The following PTPRN2 variants were observed in gnomAD, a reference collection of about 807,000 sequenced individuals.
The protein encoded by PTPRN2 is protein tyrosine phosphatase receptor type N2.
A neutral mutation model predicts 118.8 loss-of-function variants in PTPRN2; 74 were observed. That is an observed-to-expected ratio of 0.62 (90% CI 0.52 to 0.76). The LOEUF is 0.76. Among genes scored for constraint, PTPRN2 ranks in the 30% least tolerant of loss-of-function variants. The pLI, the probability that PTPRN2 is intolerant of heterozygous loss-of-function variation, is 0.00. For synonymous variants in PTPRN2, 641 were observed against 608.0 expected (o/e 1.05, Z -0.80); for missense variants, 1,481 against 1,394.4 (o/e 1.06, Z -0.99).
chr7:158,238,331 G>A (rs1316882826), intron 3 of PTPRN2, among the ~76,000 whole-genome samples: 1 of 152,002 alleles, frequency 6.6e-6, no homozygotes, highest in African/African-American at 2.4e-5. Flanking sequence ...CCTGGGCCAA[G>A]CAGGTCCTGC....
chr7:158,184,414 A>G (rs1824967743), intron 5 of PTPRN2, among the ~76,000 whole-genome samples: 1 of 152,246 alleles, frequency 6.6e-6, no homozygotes, highest in Admixed American at 6.5e-5. Flanking sequence ...GTATACAGAA[A>G]TAAATTAATT....
At chr7:158,408,873 C>A (rs1181817397) in intron 2 of PTPRN2, among the ~76,000 whole-genome samples, 1 of 152,076 alleles carries the variant, frequency 6.6e-6, no homozygotes, top group Non-Finnish European at 1.5e-5. Context: ...CGACTCACCC[C>A]AGTCATATTA....
chr7:158,440,809 G>A (rs1816962614), intron 2 of PTPRN2, among the ~76,000 whole-genome samples: 1 of 93,466 alleles, frequency 1.1e-5, no homozygotes, highest in Admixed American at 8.9e-5. Context: ...AGTGGTGATG[G>A]TGGTAGTAGT....
intron 6 of PTPRN2, among the ~76,000 whole-genome samples, chr7:158,166,026 G>A (rs1250288755): frequency 1.3e-5 from 2 of 152,102 alleles, no homozygotes; most frequent in Non-Finnish European, 2.9e-5. Flanking sequence ...AGGGAGAGGT[G>A]AGTTCAGCGA....
At chr7:157,972,548 A>C (rs1257143269) in intron 11 of PTPRN2, among the ~76,000 whole-genome samples, 264 of 69,620 alleles carry the variant, frequency 3.8e-3, no homozygotes, top group South Asian at 8.5e-3. Context: ...AGACCACGGG[A>C]ACTCCACACC....
chr7:158,284,820 T>C (rs1231592396), intron 3 of PTPRN2, among the ~76,000 whole-genome samples: 2 of 152,200 alleles, frequency 1.3e-5, no homozygotes, highest in Non-Finnish European at 2.9e-5. Context: ...CTACTACATA[T>C]GTGTATCTAC....
intron 13 of PTPRN2, among the ~76,000 whole-genome samples, chr7:157,662,404 G>A (rs185763383): frequency 7.2e-5 from 11 of 152,202 alleles, no homozygotes; most frequent in African/African-American, 2.4e-4. Context: ...GGTCAGACTC[G>A]CCGGGCCCTG....
chr7:157,691,489 C>G lies in PTPRN2; in HGVS notation c.1789-8552G>C, dbSNP rs568637714. Among the ~76,000 whole-genome samples the G allele has an allele frequency of 2.6e-5, 4 of 152,332 alleles. No homozygotes were observed. In the South Asian group the frequency reaches 8.3e-4, roughly 32 times the overall value. ...ATTCAGGGCGAGTAGACGAGAGCCCCTCTGCTCACTTTACCAGGGTCCTCC... is the reference window on the plus strand; with the variant it reads ...ATTCAGGGCGAGTAGACGAGAGCCCGTCTGCTCACTTTACCAGGGTCCTCC... On this transcript the variant is annotated intron_variant, in intron 12 of 22. Transcript: ENST00000389418.
In PTPRN2 at chr7:157,603,465, G is replaced by A. The variant is rs557002712; in HGVS notation, c.2418+537C>T. On this transcript the variant is annotated intron_variant, in intron 16 of 22. Coordinates refer to ENST00000389418, the MANE Select transcript of PTPRN2 (RefSeq NM_002847.5). This position sits in a 1 kb window ranked among gnomAD's most constrained non-coding sequence, Gnocchi z 5.4. ...CGTCCCCAGAAACACAGGACAGCCC[G>A]ATCTCCACTGCACCTGCGTCTATCC... Among the ~76,000 whole-genome samples, 4 of 152,194 alleles carry A rather than the reference G, an allele frequency of 2.6e-5. No homozygotes were observed. The highest frequency in any genetic ancestry group is 2.1e-4 in the South Asian group (1 of 4,832).
chr7:157,848,297 CG>C (rs1164122374), intron 12 of PTPRN2, among the ~76,000 whole-genome samples: 1 of 149,828 alleles, frequency 6.7e-6, no homozygotes, highest in Non-Finnish European at 1.5e-5. Flanking sequence ...CTCATTACAT[CG>C]TGTGTGCCTG....
rs540356604 is a variant in PTPRN2 at position 157,611,025 on chromosome 7, A to G, written c.2345-6950T>C. On this transcript the variant is annotated intron_variant, in intron 15 of 22. Coordinates refer to ENST00000389418, the MANE Select transcript of PTPRN2 (RefSeq NM_002847.5). This position sits in a 1 kb window ranked among gnomAD's most constrained non-coding sequence, Gnocchi z 5.9. ...ACATCCAGAGATGGTCATGAAAATG[A>G]GACCTGCCCCACCCACCACTCAGGA... Among the ~76,000 whole-genome samples the G allele has an allele frequency of 1.3e-5, 2 of 152,314 alleles. No individual in the cohort carries two copies. Among genetic ancestry groups the G allele is most frequent in the East Asian group, 3.9e-4 (2 of 5,178 alleles).
intron 2 of PTPRN2, among the ~76,000 whole-genome samples, chr7:158,365,323 G>T (rs770425186): frequency 6.6e-6 from 1 of 152,114 alleles, no homozygotes; most frequent in African/African-American, 2.4e-5. Flanking sequence ...TTCTGACAAC[G>T]GCAATTTTTG....
chr7:158,479,926 G>A (rs987164012), intron 2 of PTPRN2, among the ~76,000 whole-genome samples: 14 of 152,260 alleles, frequency 9.2e-5, no homozygotes, highest in African/African-American at 2.7e-4. Flanking sequence ...TGCTGTTTGG[G>A]TAATGACAGC....
At chr7:158,350,754 G>GCCTCA (rs1459142937) in intron 2 of PTPRN2, among the ~76,000 whole-genome samples, 1 of 152,144 alleles carries the variant, frequency 6.6e-6, no homozygotes, top group Non-Finnish European at 1.5e-5. Flanking sequence ...CCAGTGCCTC[G>GCCTCA]CCTCACCTCA....
intron 12 of PTPRN2, among the ~76,000 whole-genome samples, chr7:157,732,163 T>C (rs372097539): frequency 1.4e-3 from 62 of 43,426 alleles, no homozygotes; most frequent in East Asian, 0.011. Context: ...CCCTTTCCCG[T>C]CCCATGCGCC....
At position 157,650,862 on chromosome 7, in the gene PTPRN2, CT is replaced by C. The variant is rs146404591; in HGVS notation, c.2196+5494del. On this transcript the variant is annotated intron_variant, in intron 14 of 22. Transcript: ENST00000389418. ...GCCCTCCTGGTTCGGTGACTTATCGCTAAGAACTAAGAAGCCTGGAGCCTGA... is the reference window on the plus strand; with the variant it reads ...GCCCTCCTGGTTCGGTGACTTATCGCAAGAACTAAGAAGCCTGGAGCCTGA... Among the ~76,000 whole-genome samples, 7 of 152,328 alleles carry C rather than the reference CT, an allele frequency of 4.6e-5. No homozygotes were observed. In the East Asian group the frequency reaches 1.4e-3, roughly 29 times the overall value.
intron 11 of PTPRN2, among the ~76,000 whole-genome samples, chr7:158,012,293 A>G (rs975879745): frequency 5.3e-5 from 8 of 151,652 alleles, no homozygotes; most frequent in African/African-American, 1.2e-4. Context: ...GGGCTGATAC[A>G]TAGATGACAC....
intron 2 of PTPRN2, among the ~76,000 whole-genome samples, chr7:158,363,999 G>A (rs1586466848): frequency 6.6e-6 from 1 of 152,180 alleles, no homozygotes. Context: ...ATCGCCTCCT[G>A]CCGGACGCTG....
intron 2 of PTPRN2, among the ~76,000 whole-genome samples, chr7:158,394,994 C>A (rs1301236868): frequency 6.6e-6 from 1 of 152,234 alleles, no homozygotes; most frequent in Non-Finnish European, 1.5e-5. Flanking sequence ...CCCGTCCACA[C>A]GACACCTGGG....
Sources: allele counts gnomAD v4.1 joint callset (sites outside exome capture counted in the v4.1 genomes callset), GRCh38; gene constraint gnomAD v4.1.1; non-coding constraint Gnocchi (gnomAD v3.1); transcripts MANE v1.5; gene names NCBI Gene and HGNC (gene_info 2026-07-23, HGNC 2026-07-21).